Variants in RAP2A observed in about 807,000 individuals in gnomAD.
The protein encoded by RAP2A is ras-related protein Rap-2a.
A neutral mutation model predicts 15.1 loss-of-function variants in RAP2A; 5 were observed. The ratio of observed to expected loss-of-function variants is 0.33; its 90% CI spans 0.17 to 0.70. RAP2A has a LOEUF of 0.70. Ranked by LOEUF, RAP2A falls within the 30% of genes least tolerant of loss-of-function variation. The pLI is 0.68. For synonymous variants in RAP2A, 110 were observed against 99.7 expected, an observed-to-expected ratio of 1.10 and a Z score of -0.62; for missense variants, 111 against 240.3, an observed-to-expected ratio of 0.46 and a Z score of 3.56.
chr13:97,443,905 A>T (rs1181604953), intron 1 of RAP2A, among the ~76,000 whole-genome samples: 4 of 152,202 alleles, frequency 2.6e-5, no homozygotes, highest in Non-Finnish European at 5.9e-5. Context: ...TTGTAATATG[A>T]GTATGATGTA....
intron 1 of RAP2A, among the ~76,000 whole-genome samples, chr13:97,460,587 T>C (rs1261320623): frequency 6.6e-6 from 1 of 152,138 alleles, no homozygotes; most frequent in Non-Finnish European, 1.5e-5. Context: ...AGTGCAGTCA[T>C]CTACTGTCAA....
intron 1 of RAP2A, among the ~76,000 whole-genome samples, chr13:97,463,736 C>T (rs1419639667): frequency 6.6e-6 from 1 of 152,180 alleles, no homozygotes; most frequent in African/African-American, 2.4e-5. Flanking sequence ...ACTACAGGCA[C>T]CTGCCACCAC....
chr13:97,465,260 G>A lies in RAP2A; in HGVS notation c.*818G>A, dbSNP rs890333663. ...GAGGGAAGCAACTGTGATGGGAAGA[G>A]ATTACCTAGCCTTACTAACAAGAAG... On this transcript the variant is annotated 3_prime_UTR_variant, in exon 2 of 2. Coordinates refer to ENST00000245304, the MANE Select transcript of RAP2A (RefSeq NM_021033.7). 5 of 152,614 alleles carry A rather than the reference G, an allele frequency of 3.3e-5. No individual in the cohort carries two copies. Among genetic ancestry groups the A allele is most frequent in the African/African-American group, 9.7e-5 (4 of 41,442 alleles). The allele number at this position is 152,614 out of a possible 1,614,324, so 9.5% of individuals were successfully genotyped here. A position where few individuals can be genotyped will look rare whatever the true frequency, so the allele number is the denominator to read the frequency against.
At chr13:97,463,652 C>G (rs2066757796) in intron 1 of RAP2A, among the ~76,000 whole-genome samples, 1 of 152,064 alleles carries the variant, frequency 6.6e-6, no homozygotes, top group Non-Finnish European at 1.5e-5. Flanking sequence ...TGCGGTGGCA[C>G]GATCTCAGCT....
At chr13:97,460,027 G>A (rs568332932) in intron 1 of RAP2A, among the ~76,000 whole-genome samples, 1 of 152,260 alleles carries the variant, frequency 6.6e-6, no homozygotes, top group South Asian at 2.1e-4. Flanking sequence ...CAGTATTCAC[G>A]TAGTTAAAAC....
At chr13:97,454,742 C>A (rs1320959256) in intron 1 of RAP2A, among the ~76,000 whole-genome samples, 1 of 151,294 alleles carries the variant, frequency 6.6e-6, no homozygotes, top group East Asian at 1.9e-4. Context: ...TGCAAGATTG[C>A]TTTGATACTA....
intron 1 of RAP2A, among the ~76,000 whole-genome samples, chr13:97,440,827 CATTT>C (rs1247739771): frequency 2.6e-5 from 4 of 151,878 alleles, no homozygotes; most frequent in Admixed American, 6.6e-5. Flanking sequence ...TTCATTCATT[CATTT>C]TTTTTGTAGT....
intron 1 of RAP2A, chr13:97,437,607 A>G (rs1486602612): frequency 6.6e-6 from 1 of 152,230 alleles, no homozygotes; most frequent in African/African-American, 2.4e-5. Context: ...ATGTAATTTT[A>G]GAAGAAATAA....
chr13:97,446,764 G>A (rs760931690), intron 1 of RAP2A, among the ~76,000 whole-genome samples: 5 of 152,144 alleles, frequency 3.3e-5, no homozygotes, highest in African/African-American at 9.7e-5. Context: ...TCCTACCAAC[G>A]TGCCAGGCCT....
intron 1 of RAP2A, among the ~76,000 whole-genome samples, chr13:97,439,812 A>G (rs1486236281): frequency 2.6e-5 from 4 of 152,182 alleles, no homozygotes; most frequent in Non-Finnish European, 5.9e-5. Context: ...GAGACTTCCT[A>G]TATTGCAGTA....
chr13:97,441,573 T>A (rs547303801), intron 1 of RAP2A, among the ~76,000 whole-genome samples: 3 of 152,266 alleles, frequency 2.0e-5, no homozygotes, highest in South Asian at 2.1e-4. Context: ...ACACTGTACT[T>A]AAGGGAATTT....
At chr13:97,458,657 A>G (rs749600396) in intron 1 of RAP2A, among the ~76,000 whole-genome samples, 17 of 152,214 alleles carry the variant, frequency 1.1e-4, no homozygotes, top group Non-Finnish European at 1.6e-4. Context: ...GGGCCCAGAA[A>G]TCACTATCTT....
intron 1 of RAP2A, chr13:97,441,720 C>A: frequency 2.3e-6 from 1 of 426,808 alleles, no homozygotes; most frequent in South Asian, 1.7e-5. Flanking sequence ...TTCTGTTTCT[C>A]TCCATCTATT....
At chr13:97,438,323 C>T (rs993710591) in intron 1 of RAP2A, among the ~76,000 whole-genome samples, 2 of 152,280 alleles carry the variant, frequency 1.3e-5, no homozygotes, top group Middle Eastern at 3.4e-3. Context: ...TGTGCAGCCT[C>T]ACCTCTTGCA....
chr13:97,456,661 T>A (rs1327634244), intron 1 of RAP2A, among the ~76,000 whole-genome samples: 1 of 146,142 alleles, frequency 6.8e-6, no homozygotes, highest in African/African-American at 2.6e-5. Flanking sequence ...CAGATTATTT[T>A]ATTGGTTGAG....
At chr13:97,446,277 T>A (rs559345141) in intron 1 of RAP2A, among the ~76,000 whole-genome samples, 73 of 152,302 alleles carry the variant, frequency 4.8e-4, no homozygotes, top group Non-Finnish European at 8.8e-4. Flanking sequence ...TCTTTTTTTT[T>A]AAATCATGAC....
chr13:97,449,952 T>G (rs187367869), intron 1 of RAP2A, among the ~76,000 whole-genome samples: 26 of 151,394 alleles, frequency 1.7e-4, no homozygotes, highest in Non-Finnish European at 3.5e-4. Context: ...ATTATAGAGA[T>G]TCAGTGTTTG....
chr13:97,436,205 C>T (rs1014912417), intron 1 of RAP2A: 1 of 152,144 alleles, frequency 6.6e-6, no homozygotes, highest in Non-Finnish European at 1.5e-5. Flanking sequence ...TAGCTTTGTA[C>T]TTCTCCAGTA....
At chr13:97,457,007 A>G (rs1189520200) in intron 1 of RAP2A, among the ~76,000 whole-genome samples, 1 of 152,116 alleles carries the variant, frequency 6.6e-6, no homozygotes, top group Non-Finnish European at 1.5e-5. Context: ...TCTTTCTTCA[A>G]AACTCCCGTA....
Sources: allele counts gnomAD v4.1 joint callset (sites outside exome capture counted in the v4.1 genomes callset), GRCh38; gene constraint gnomAD v4.1.1; transcripts MANE v1.5; gene names NCBI Gene and HGNC (gene_info 2026-07-23, HGNC 2026-07-21).